Variants in SGCG observed in about 807,000 individuals in gnomAD.
SGCG encodes sarcoglycan gamma.
In SGCG, 26 loss-of-function variants were observed where a neutral mutation model predicts 29.3. That is an observed-to-expected ratio of 0.89 (90% CI 0.65 to 1.23). The LOEUF (loss-of-function observed/expected upper bound fraction) is 1.23. Ranked by LOEUF, SGCG falls within the 50% of genes most tolerant of loss-of-function variation. The pLI is 0.00. For missense variants in SGCG, 353 were observed against 356.0 expected (o/e 0.99, Z 0.07); for synonymous variants, 145 against 129.7 (o/e 1.12, Z -0.80).
chr13:23,295,541 A>G (rs1881874348), intron 6 of SGCG, 54 bp downstream of exon 6: 1 of 1,186,252 alleles, frequency 8.4e-7, no homozygotes, highest in Non-Finnish European at 1.3e-6. Context: ...ACAAGAGGGT[A>G]TGTGCTGGAA....
rs191073179 is a variant in SGCG at position 23,182,271 on chromosome 13, A to G, written c.-1+1196A>G. Reference sequence around the variant, plus strand: ...CAATGTGTTCAGTTTTGCATAACTTATAGGGCCTGAGGATCTCCCTCCACT... The same window carrying G: ...CAATGTGTTCAGTTTTGCATAACTTGTAGGGCCTGAGGATCTCCCTCCACT... On this transcript the variant is annotated intron_variant, in intron 1 of 7. Transcript: ENST00000218867. Among the ~76,000 whole-genome samples, 20 of 152,308 alleles carry G rather than the reference A, an allele frequency of 1.3e-4. No homozygotes were observed. In the East Asian group the frequency reaches 3.9e-3, roughly 29 times the overall value.
chr13:23,289,601 A>G (rs923139677), intron 5 of SGCG, among the ~76,000 whole-genome samples: 4 of 149,668 alleles, frequency 2.7e-5, no homozygotes, highest in African/African-American at 9.8e-5. Context: ...TGTTTATAAC[A>G]TAATTTATTT....
At chr13:23,291,004 A>G (rs1273404550) in intron 5 of SGCG, among the ~76,000 whole-genome samples, 1 of 152,152 alleles carries the variant, frequency 6.6e-6, no homozygotes, top group African/African-American at 2.4e-5. Context: ...CTTGCACCAC[A>G]GTCTTATTAC....
chr13:23,169,763 T>C, the SGCG span: 1 of 152,106 alleles, frequency 6.6e-6, no homozygotes, highest in Non-Finnish European at 1.5e-5. Context: ...TTCTTTAGAT[T>C]ATTGCATTGG....
In SGCG at chr13:23,203,858, T is replaced by C. The variant is rs1267509253; in HGVS notation, c.164T>C (p.Ile55Thr). ...IILVVNLALT[I>T]WILKVMWFSP... ...CTCGTTGTGAATTTAGCTCTTACAA[T>C]TTGGATTCTTAAAGTGATGTGGTTT... Residue 55 changes from isoleucine to threonine, a missense_variant, in exon 2 of 8, where the codon ATT (isoleucine) becomes ACT (threonine). Ile to Thr is a moderately conservative substitution (Grantham distance 89, BLOSUM62 -1). Coordinates refer to ENST00000218867, the MANE Select transcript of SGCG (RefSeq NM_000231.3). 1 of 1,613,782 alleles carries C rather than the reference T, an allele frequency of 6.2e-7. No individual in the cohort carries two copies. The highest frequency in any genetic ancestry group is 1.7e-5 in the Admixed American group (1 of 60,030).
chr13:23,205,712 A>G (rs1821893456), intron 2 of SGCG, among the ~76,000 whole-genome samples: 1 of 151,742 alleles, frequency 6.6e-6, no homozygotes. Context: ...GGCTTCCCAC[A>G]GAGATCAGCA....
rs578090933 is a variant in SGCG at position 23,182,130 on chromosome 13, G to A, written c.-1+1055G>A. 1.2e-4 allele frequency among the ~76,000 whole-genome samples: 19 copies of A among 152,208 alleles called. No individual in the cohort carries two copies. In the South Asian group the frequency reaches 2.7e-3, roughly 22 times the overall value. On this transcript the variant is annotated intron_variant, in intron 1 of 7. Transcript: ENST00000218867. ...TCAGCTAAGCTTGCAGTTAAAATGCGGAAAATGAAATTGTTCCATATTGTC... is the reference window on the plus strand; with the variant it reads ...TCAGCTAAGCTTGCAGTTAAAATGCAGAAAATGAAATTGTTCCATATTGTC...
At chr13:23,310,915 T>A (rs1189726701) in intron 6 of SGCG, among the ~76,000 whole-genome samples, 2 of 152,240 alleles carry the variant, frequency 1.3e-5, no homozygotes, top group Non-Finnish European at 2.9e-5. Context: ...ATTTCAGCAT[T>A]GCTTTTATTC....
chr13:23,219,722 T>A (rs2137525528), intron 2 of SGCG, among the ~76,000 whole-genome samples: 1 of 146,226 alleles, frequency 6.8e-6, no homozygotes, highest in Admixed American at 7.0e-5. Context: ...ACCATATCCC[T>A]TTAAACCCCA....
intron 1 of SGCG, among the ~76,000 whole-genome samples, chr13:23,185,913 C>A (rs1165207509): frequency 1.3e-5 from 2 of 152,208 alleles, no homozygotes; most frequent in African/African-American, 2.4e-5. Context: ...GTCCACCCCT[C>A]GCATCACTCA....
At chr13:23,250,527 A>G in intron 3 of SGCG, 103 bp from the exon 4 acceptor site, 1 of 709,058 alleles carries the variant, frequency 1.4e-6, no homozygotes, top group Non-Finnish European at 2.6e-6. Flanking sequence ...ATCTGTAACA[A>G]TGGATAAATA....
intron 2 of SGCG, among the ~76,000 whole-genome samples, chr13:23,221,085 A>T (rs532171567): frequency 1.3e-5 from 2 of 152,330 alleles, no homozygotes; most frequent in Admixed American, 6.5e-5. Context: ...TGCAATCATT[A>T]TTCCTTTTAC....
At chr13:23,195,029 A>G (rs1877432399) in intron 1 of SGCG, among the ~76,000 whole-genome samples, 1 of 152,192 alleles carries the variant, frequency 6.6e-6, no homozygotes. Context: ...TAACTTAACA[A>G]TTAGCTATGT....
intron 2 of SGCG, among the ~76,000 whole-genome samples, chr13:23,224,645 A>C (rs1878820173): frequency 1.0e-5 from 1 of 95,456 alleles, no homozygotes; most frequent in South Asian, 3.8e-4. Flanking sequence ...CCCAAATTCC[A>C]ACCCCAAACA....
intron 4 of SGCG, 55 bp from the exon 5 acceptor site, chr13:23,279,304 G>A: frequency 6.4e-7 from 1 of 1,571,776 alleles, no homozygotes; most frequent in Non-Finnish European, 8.7e-7. Flanking sequence ...TAAAAATAGA[G>A]ATTTGGACAC....
At chr13:23,297,727 G>A (rs1050446739) in intron 6 of SGCG, among the ~76,000 whole-genome samples, 1 of 152,082 alleles carries the variant, frequency 6.6e-6, no homozygotes, top group African/African-American at 2.4e-5. Flanking sequence ...TTTGCTTATG[G>A]CCAGTTTTGG....
chr13:23,234,181 G>A (rs1015909219), intron 2 of SGCG, among the ~76,000 whole-genome samples: 15 of 152,038 alleles, frequency 9.9e-5, no homozygotes, highest in African/African-American at 3.4e-4. Context: ...CTCAGATGAT[G>A]GTATTTATGG....
chr13:23,308,798 A>G (rs900931983), intron 6 of SGCG, among the ~76,000 whole-genome samples: 3 of 152,180 alleles, frequency 2.0e-5, no homozygotes, highest in African/African-American at 7.2e-5. Context: ...TCCTGACCTC[A>G]AGTGATTCAC....
chr13:23,191,140 G>A (rs575554221), intron 1 of SGCG, among the ~76,000 whole-genome samples: 46 of 152,192 alleles, frequency 3.0e-4, no homozygotes, highest in African/African-American at 1.0e-3. Context: ...ATTTGACATC[G>A]AAATCAATTT....
Sources: allele counts gnomAD v4.1 joint callset (sites outside exome capture counted in the v4.1 genomes callset), GRCh38; gene constraint gnomAD v4.1.1; transcripts MANE v1.5; gene names NCBI Gene and HGNC (gene_info 2026-07-23, HGNC 2026-07-21).